Variants in PDE3A observed in about 807,000 individuals in gnomAD.
The protein encoded by PDE3A is phosphodiesterase 3A.
A neutral mutation model predicts 98.3 loss-of-function variants in PDE3A; 43 were observed. The ratio of observed to expected loss-of-function variants is 0.44; its 90% CI spans 0.34 to 0.56. The LOEUF is 0.56. Ranked by LOEUF, PDE3A falls within the 20% of genes least tolerant of loss-of-function variation. The pLI, the probability that PDE3A is intolerant of heterozygous loss-of-function variation, is 0.01. For synonymous variants in PDE3A, 663 were observed against 567.9 expected, an observed-to-expected ratio of 1.17 and a Z score of -2.38; for missense variants, 1,427 against 1,440.7, an observed-to-expected ratio of 0.99 and a Z score of 0.15.
intron 1 of PDE3A, among the ~76,000 whole-genome samples, chr12:20,384,254 T>TTTTGTATATTCGG (rs1945752786): frequency 6.6e-6 from 1 of 151,536 alleles, no homozygotes; most frequent in Non-Finnish European, 1.5e-5. Flanking sequence ...ACTGGAGACC[T>TTTTGTATATTCGG]GACATTCGGG....
chr12:20,438,948 C>A (rs754649394), intron 1 of PDE3A, among the ~76,000 whole-genome samples: 1 of 151,916 alleles, frequency 6.6e-6, no homozygotes, highest in Non-Finnish European at 1.5e-5. Flanking sequence ...CGTACCACCA[C>A]GCCTGGCTAA....
chr12:20,589,811 G>T (rs1201513878), intron 2 of PDE3A, among the ~76,000 whole-genome samples: 3 of 144,966 alleles, frequency 2.1e-5, no homozygotes, highest in African/African-American at 7.7e-5. Flanking sequence ...GGAGCTTGCA[G>T]TAAGCTGAGA....
At chr12:20,666,487 A>G (rs955776184) in intron 15 of PDE3A, among the ~76,000 whole-genome samples, 7 of 152,168 alleles carry the variant, frequency 4.6e-5, no homozygotes, top group African/African-American at 1.7e-4. Context: ...CACTTCCATG[A>G]GATCAACTTT....
chr12:20,630,942 G>A (rs983275824), intron 6 of PDE3A, among the ~76,000 whole-genome samples: 5 of 152,012 alleles, frequency 3.3e-5, no homozygotes, highest in African/African-American at 1.2e-4. Flanking sequence ...TGAGTAACTT[G>A]TTGGTTTTCT....
chr12:20,661,793 G>A (rs115783286), intron 15 of PDE3A, among the ~76,000 whole-genome samples: 6 of 152,322 alleles, frequency 3.9e-5, no homozygotes, highest in African/African-American at 1.4e-4. Flanking sequence ...TTTGCTGCAG[G>A]GGTGGGGCAG....
In PDE3A at chr12:20,530,074, T is replaced by A. The variant is rs140751888; in HGVS notation, c.961-26586T>A. ...TCATTTATAACACAATCTTGAAGTC[T>A]GATAATTTCAGGTACAGACTTCATT... On this transcript the variant is annotated intron_variant, in intron 1 of 15. Transcript: ENST00000359062. 5.1e-4 allele frequency among the ~76,000 whole-genome samples: 77 copies of A among 152,362 alleles called. No individual in the cohort carries two copies. The East Asian group carries it at 0.01, about 20-fold the overall frequency.
rs1249282641 is a variant in PDE3A, at chr12:20,621,325, T to C, written c.1454T>C (p.Met485Thr). Residue 485 changes from methionine (M) to threonine (T), a missense_variant, in exon 5 of 16, where the codon ATG (methionine) becomes ACG (threonine). By Grantham distance (81) the Met-to-Thr change is moderately conservative (BLOSUM62 -1). Transcript: ENST00000359062. ...SPDSWNNPVM[M>T]TLTKSRSFTS... is the part of the protein sequence containing the mutation. ...GATTCTTGGAATAATCCAGTGATGA[T>C]GACCCTCACCAAAAGCAGATCCTTT... The C allele has an allele frequency of 6.2e-7, 1 of 1,606,016 alleles. No individual in the cohort carries two copies. The highest frequency in any genetic ancestry group is 1.7e-5 in the Admixed American group (1 of 59,958).
chr12:20,440,038 T>G (rs1390400162), intron 1 of PDE3A, among the ~76,000 whole-genome samples: 2 of 152,178 alleles, frequency 1.3e-5, no homozygotes, highest in Non-Finnish European at 2.9e-5. Context: ...TGTTTTTATT[T>G]GGGTACTGTA....
chr12:20,496,895 G>C (rs1945930078), intron 1 of PDE3A, among the ~76,000 whole-genome samples: 1 of 152,136 alleles, frequency 6.6e-6, no homozygotes, highest in Non-Finnish European at 1.5e-5. Context: ...CCAGAAGAGT[G>C]TAATTTATCT....
intron 1 of PDE3A, among the ~76,000 whole-genome samples, chr12:20,500,725 T>C (rs1946007105): frequency 6.6e-6 from 1 of 151,942 alleles, no homozygotes; most frequent in Non-Finnish European, 1.5e-5. Context: ...CTCTAATTTT[T>C]TAAAAAATTG....
At position 20,370,006 on chromosome 12, in the gene PDE3A, C is replaced by T; in HGVS notation, c.722C>T (p.Ala241Val). ...RFKVAWRPYL[A>V]YLAGVLGILL... ...AAGGTCGCCTGGAGACCTTACCTGG[C>T]GTACCTGGCCGGCGTGCTGGGGATC... Residue 241 changes from alanine to valine, a missense_variant, in exon 1 of 16, where the codon GCG becomes GTG. Transcript: ENST00000359062. The T allele has an allele frequency of 6.2e-7, 1 of 1,612,992 alleles. No homozygotes were observed. The highest frequency in any genetic ancestry group is 8.5e-7 in the Non-Finnish European group (1 of 1,179,966).
intron 15 of PDE3A, among the ~76,000 whole-genome samples, chr12:20,676,346 A>G (rs1945638774): frequency 6.6e-6 from 1 of 152,022 alleles, no homozygotes; most frequent in South Asian, 2.1e-4. Flanking sequence ...GGCTGGGTAT[A>G]TGGTTTTTTC....
chr12:20,383,500 A>T lies in PDE3A; in HGVS notation c.960+13256A>T, dbSNP rs569308026. ...ATTCCTCAGGATGCTGTCTCTTTTTACCAGCTTCCACAGGGCTTTACTCTA... is the reference window on the plus strand; with the variant it reads ...ATTCCTCAGGATGCTGTCTCTTTTTTCCAGCTTCCACAGGGCTTTACTCTA... On this transcript the variant is annotated intron_variant, in intron 1 of 15. Transcript: ENST00000359062. Among the ~76,000 whole-genome samples the T allele has an allele frequency of 5.5e-4, 83 of 152,024 alleles. No individual in the cohort carries two copies. In the South Asian group the frequency reaches 0.015, roughly 27 times the overall value.
intron 1 of PDE3A, among the ~76,000 whole-genome samples, chr12:20,373,743 C>A (rs1419125466): frequency 1.3e-5 from 2 of 152,122 alleles, no homozygotes; most frequent in Non-Finnish European, 2.9e-5. Context: ...ATGGATACAA[C>A]ATCATCCATT....
In PDE3A at chr12:20,639,728, G is replaced by C; in HGVS notation, c.2140-118G>C. On this transcript the variant is annotated intron_variant, in intron 9 of 15. Transcript: ENST00000359062. ...AACCAACTTAAAAGGACACCCTTCAGATTTTGAAAAGGCATTTAATGTTTT... is the reference window on the plus strand; with the variant it reads ...AACCAACTTAAAAGGACACCCTTCACATTTTGAAAAGGCATTTAATGTTTT... The C allele has an allele frequency of 3.6e-5, 20 of 549,416 alleles. 1 individual carries two copies. The South Asian group carries it at 4.6e-4, about 13-fold the overall frequency. 34.0% of individuals were successfully genotyped at this position (549,416 alleles called of 1,614,324 possible).
chr12:20,568,874 A>G (rs1469940573), intron 2 of PDE3A, among the ~76,000 whole-genome samples: 2 of 152,030 alleles, frequency 1.3e-5, no homozygotes, highest in African/African-American at 4.8e-5. Flanking sequence ...AAAGAATTAG[A>G]GGAAATGGAA....
chr12:20,655,662 T>C (rs1265940741), intron 15 of PDE3A, among the ~76,000 whole-genome samples: 1 of 152,182 alleles, frequency 6.6e-6, no homozygotes, highest in East Asian at 1.9e-4. Flanking sequence ...AAGGTGGGAC[T>C]CTGTAGGTCA....
At chr12:20,669,456 C>T (rs1290215068) in intron 15 of PDE3A, among the ~76,000 whole-genome samples, 2 of 151,324 alleles carry the variant, frequency 1.3e-5, no homozygotes, top group African/African-American at 2.4e-5. Flanking sequence ...AGAGAAAGGT[C>T]GGGTTACCCT....
At chr12:20,606,470 C>T (rs962546299) in intron 2 of PDE3A, among the ~76,000 whole-genome samples, 9 of 152,114 alleles carry the variant, frequency 5.9e-5, no homozygotes, top group Non-Finnish European at 1.2e-4. Flanking sequence ...TTTTATAGCA[C>T]GCAAATACCT....
Sources: allele counts gnomAD v4.1 joint callset (sites outside exome capture counted in the v4.1 genomes callset), GRCh38; gene constraint gnomAD v4.1.1; transcripts MANE v1.5; gene names NCBI Gene and HGNC (gene_info 2026-07-23, HGNC 2026-07-21).